The following NFATC1 variants were observed in gnomAD, a reference collection of about 807,000 sequenced individuals.
NFATC1 encodes nuclear factor of activated T-cells, cytoplasmic 1.
A neutral mutation model predicts 76.0 loss-of-function variants in NFATC1; 22 were observed. The ratio of observed to expected loss-of-function variants is 0.29; its 90% CI spans 0.21 to 0.41. The LOEUF (loss-of-function observed/expected upper bound fraction) is 0.41. Among genes scored for constraint, NFATC1 ranks in the 10% least tolerant of loss-of-function variants. The pLI is 1.00. For synonymous variants in NFATC1, 704 were observed against 613.1 expected, an observed-to-expected ratio of 1.15 and a Z score of -2.19; for missense variants, 1,357 against 1,337.7, an observed-to-expected ratio of 1.01 and a Z score of -0.23.
At chr18:79,464,952 A>G (rs1422006328) in intron 7 of NFATC1, among the ~76,000 whole-genome samples, 2 of 151,602 alleles carry the variant, frequency 1.3e-5, no homozygotes, top group African/African-American at 4.8e-5. Context: ...CAATCCTCCC[A>G]CCTGGGCCTC....
chr18:79,413,888 C>T (rs2085785456), intron 2 of NFATC1, among the ~76,000 whole-genome samples: 1 of 152,164 alleles, frequency 6.6e-6, no homozygotes, highest in Non-Finnish European at 1.5e-5. Context: ...TCCGTGCCCA[C>T]GTGACCCTGT....
chr18:79,482,327 T>C lies in NFATC1; in HGVS notation c.2093-3921T>C, dbSNP rs1483764173. 3.4e-5 allele frequency among the ~76,000 whole-genome samples: 4 copies of C among 118,858 alleles called. No homozygotes were observed. The East Asian group carries it at 1.1e-3, about 33-fold the overall frequency. 78.0% of individuals were successfully genotyped at this position (118,858 alleles called of 152,430 possible). A position where few individuals can be genotyped will look rare whatever the true frequency, so the allele number is the denominator to read the frequency against. On this transcript the variant is annotated intron_variant, in intron 8 of 9. Transcript: ENST00000427363. ...TTCCAGCGTGACCTGGTTCCTGGGG[T>C]GTCATTCCAGCGTGACCTGGTCCTG... is the stretch of plus-strand genomic sequence containing the variant.
chr18:79,498,717 G>A lies in NFATC1; in HGVS notation c.2782+11780G>A, dbSNP rs564078477. Reference sequence around the variant, plus strand: ...ATAAATTAAAAGCAGCTCACACACAGACATAAACCAAACTGTTGAAAGTCA... The same window carrying A: ...ATAAATTAAAAGCAGCTCACACACAAACATAAACCAAACTGTTGAAAGTCA... On this transcript the variant is annotated intron_variant, in intron 9 of 9. Coordinates refer to ENST00000427363, the MANE Select transcript of NFATC1 (RefSeq NM_001278669.2). 2.0e-5 allele frequency among the ~76,000 whole-genome samples: 3 copies of A among 152,324 alleles called. No individual in the cohort carries two copies. In the South Asian group the frequency reaches 6.2e-4, roughly 32 times the overall value.
intron 8 of NFATC1, among the ~76,000 whole-genome samples, chr18:79,482,570 C>G (rs552354261): frequency 6.8e-6 from 1 of 146,274 alleles, no homozygotes; most frequent in African/African-American, 2.6e-5. Context: ...AGGTGTAATT[C>G]CAGCGTGACC....
chr18:79,405,263 TCCAGCTGTCTC>T (rs1175980583), intron 1 of NFATC1, among the ~76,000 whole-genome samples: 1 of 152,246 alleles, frequency 6.6e-6, no homozygotes, highest in Admixed American at 6.5e-5. Context: ...TTGCTTAGAA[TCCAGCTGTCTC>T]CCTGCTCACC....
In NFATC1 at chr18:79,486,677, C is replaced by A; in HGVS notation, c.2522C>A (p.Ser841Ter). Reference sequence around the variant, plus strand: ...AGCTGCCCCCCTGGTCTCGAACACTCGCTCTGCCCCAGCAGCCCCTCTCCT... The same window carrying A: ...AGCTGCCCCCCTGGTCTCGAACACTAGCTCTGCCCCAGCAGCCCCTCTCCT... ...SSSCPPGLEH[S>*]LCPSSPSPPL... Residue 841 changes from serine to a stop codon, truncating the protein, a stop_gained, in exon 9 of 10, where the codon TCG (serine) becomes TAG (stop). Coordinates refer to ENST00000427363, the MANE Select transcript of NFATC1 (RefSeq NM_001278669.2). LOFTEE classifies it high-confidence loss of function. The A allele has an allele frequency of 6.2e-7, 1 of 1,602,352 alleles. No homozygotes were observed. Among genetic ancestry groups the A allele is most frequent in the South Asian group, 1.1e-5 (1 of 90,446 alleles).
intron 2 of NFATC1, among the ~76,000 whole-genome samples, chr18:79,429,911 C>T (rs1376161136): frequency 3.9e-5 from 6 of 152,242 alleles, no homozygotes; most frequent in Non-Finnish European, 7.3e-5. Flanking sequence ...ATCGTGAGAG[C>T]GTAGTTTTAC....
intron 2 of NFATC1, among the ~76,000 whole-genome samples, chr18:79,422,995 G>A (rs1220412379): frequency 2.6e-5 from 4 of 151,784 alleles, no homozygotes; most frequent in African/African-American, 9.7e-5. Flanking sequence ...GGGCAGGGCA[G>A]ATAGAGGGGT....
intron 9 of NFATC1, among the ~76,000 whole-genome samples, chr18:79,489,801 T>C (rs922549502): frequency 6.6e-6 from 1 of 152,238 alleles, no homozygotes; most frequent in Non-Finnish European, 1.5e-5. Context: ...CACACTGTTC[T>C]GGTCACAGTT....
chr18:79,411,139 C>T lies in NFATC1; in HGVS notation c.864C>T (p.His288=), dbSNP rs200962841. The change falls in exon 2 of 10, where the codon CAC becomes CAT. Residue 288 remains histidine, a synonymous_variant. Transcript: ENST00000427363. ...SPHHSPTPSP[H]GSPRVSVTDD... Reference sequence around the variant, plus strand: ...ACCACTCGCCCACGCCGTCCCCGCACGGCTCCCCGCGGGTCAGCGTGACCG... The same window carrying T: ...ACCACTCGCCCACGCCGTCCCCGCATGGCTCCCCGCGGGTCAGCGTGACCG... 87 of 1,612,176 alleles carry T rather than the reference C, an allele frequency of 5.4e-5. No individual in the cohort carries two copies. Among genetic ancestry groups the T allele is most frequent in the Non-Finnish European group, 6.8e-5 (80 of 1,179,790 alleles).
At position 79,524,854 on chromosome 18, in the gene NFATC1, C is replaced by T. The variant is rs2090713051; in HGVS notation, c.2783-2674C>T. Among the ~76,000 whole-genome samples the T allele has an allele frequency of 6.6e-6, 1 of 152,006 alleles. No homozygotes were observed. The highest frequency in any genetic ancestry group is 2.4e-5 in the African/African-American group (1 of 41,378). On this transcript the variant is annotated intron_variant, in intron 9 of 9. Coordinates refer to ENST00000427363, the MANE Select transcript of NFATC1 (RefSeq NM_001278669.2). The surrounding 1 kb of genome is among the most constrained non-coding windows in gnomAD (Gnocchi z 7.2). ...GGCCATGCCGCTTCCCTTTCACCCT[C>T]AGCGACGCGCCCTCCTGTGCCCGCG...
At chr18:79,513,005 C>T (rs2090294849) in intron 9 of NFATC1, among the ~76,000 whole-genome samples, 1 of 152,224 alleles carries the variant, frequency 6.6e-6, no homozygotes, top group African/African-American at 2.4e-5. Context: ...GAGGGCCTGG[C>T]AGAGAATTTC....
chr18:79,400,279 C>A (rs936988458), intron 1 of NFATC1: 3 of 953,100 alleles, frequency 3.1e-6, no homozygotes, highest in East Asian at 8.8e-5. Flanking sequence ...GGGGCGGGGA[C>A]GGGGGGAGGG....
intron 8 of NFATC1, among the ~76,000 whole-genome samples, chr18:79,485,079 G>C (rs866244133): frequency 2.0e-5 from 3 of 152,252 alleles, no homozygotes; most frequent in Middle Eastern, 3.2e-3. Flanking sequence ...CAGGCTCTCT[G>C]TGGTGGCGAC....
At position 79,411,729 on chromosome 18, in the gene NFATC1, G is replaced by A. The variant is rs528032626; in HGVS notation, c.1226+228G>A. Among the ~76,000 whole-genome samples, 660 of 152,320 alleles carry A rather than the reference G, an allele frequency of 4.3e-3. 5 individuals are homozygous for A. The highest frequency in any genetic ancestry group is 0.015 in the African/African-American group (636 of 41,570). On this transcript the variant is annotated intron_variant, in intron 2 of 9. Transcript: ENST00000427363. ...GCGCCTCGCCTCTGCCTCCGTCTGC[G>A]CGTTTCCCATCTGAAGTCTCCAGAT...
chr18:79,463,724 C>T (rs1487386489), intron 7 of NFATC1, among the ~76,000 whole-genome samples: 3 of 152,228 alleles, frequency 2.0e-5, no homozygotes, highest in Non-Finnish European at 4.4e-5. Context: ...CCTCTGCCTG[C>T]AGGCAGTGTA....
At chr18:79,513,151 C>CA (rs1393961565) in intron 9 of NFATC1, among the ~76,000 whole-genome samples, 1 of 152,236 alleles carries the variant, frequency 6.6e-6, no homozygotes, top group Non-Finnish European at 1.5e-5. Flanking sequence ...CCAGAACCAC[C>CA]ACCAGGCTGT....
chr18:79,526,512 C>G (rs1053124878), intron 9 of NFATC1, among the ~76,000 whole-genome samples: 3 of 152,136 alleles, frequency 2.0e-5, no homozygotes, highest in Non-Finnish European at 2.9e-5. Context: ...GCTGGCGGGG[C>G]CGGGCATGTG....
At chr18:79,482,712 G>A (rs1211468360) in intron 8 of NFATC1, among the ~76,000 whole-genome samples, 6 of 130,454 alleles carry the variant, frequency 4.6e-5, no homozygotes, top group East Asian at 4.7e-4. Context: ...TTCCTGGGGT[G>A]TAATTCCAGC....
Sources: gnomAD v4.1 joint callset for allele counts (sites outside exome capture counted in the v4.1 genomes callset) on GRCh38, gnomAD v4.1.1 for gene constraint, Gnocchi (gnomAD v3.1) non-coding constraint, MANE v1.5 for transcripts, NCBI Gene and HGNC (gene_info 2026-07-23, HGNC 2026-07-21) for gene names.